Variants in GRK5 observed in about 807,000 individuals in gnomAD.
GRK5 encodes the protein g protein-coupled receptor kinase GRK5.
Under a neutral mutation model 78.4 loss-of-function variants are expected in GRK5, and 40 were observed. That is an observed-to-expected ratio of 0.51 (90% confidence interval 0.40 to 0.66). GRK5 has a LOEUF of 0.66. Ranked by LOEUF, GRK5 falls within the 30% of genes least tolerant of loss-of-function variation. The probability of loss-of-function intolerance (pLI) is 0.00; values close to 1 mark genes in which losing one functional copy is unlikely to be tolerated. For synonymous variants in GRK5, 289 were observed against 296.8 expected, an observed-to-expected ratio of 0.97 and a Z score of 0.27; for missense variants, 598 against 759.9, an observed-to-expected ratio of 0.79 and a Z score of 2.50.
chr10:119,369,760 C>T (rs1157310933), intron 2 of GRK5, among the ~76,000 whole-genome samples: 2 of 152,150 alleles, frequency 1.3e-5, no homozygotes, highest in Non-Finnish European at 2.9e-5. Flanking sequence ...GTCAGCCTGC[C>T]GGGCTTCCGG....
intron 2 of GRK5, among the ~76,000 whole-genome samples, chr10:119,372,680 T>C (rs1413582): frequency 0.48 from 73,278 of 152,074 alleles, 18,989 homozygotes; most frequent in Non-Finnish European, 0.57. Context: ...TTCTACAGTT[T>C]TGATTTCATT....
rs1032704681 is a variant in GRK5 at position 119,284,434 on chromosome 10, G to A, written c.53-42082G>A. 6.6e-5 allele frequency among the ~76,000 whole-genome samples: 10 copies of A among 152,036 alleles called. No individual in the cohort carries two copies. The East Asian group carries it at 9.6e-4, about 15-fold the overall frequency. The stretch of plus-strand genomic sequence containing the variant: ...ATTACAAATGTGAGCCACTGAGCCC[G>A]GCTATTTAATCCGATATGTACAAAT... On this transcript the variant is annotated intron_variant, in intron 1 of 15. Transcript: ENST00000392870.
intron 1 of GRK5, among the ~76,000 whole-genome samples, chr10:119,285,862 A>T (rs1849839968): frequency 6.6e-6 from 1 of 152,186 alleles, no homozygotes; most frequent in South Asian, 2.1e-4. Flanking sequence ...ATCAAGGTCA[A>T]GTCCTCACCT....
chr10:119,327,421 G>A (rs1027724712), intron 2 of GRK5, among the ~76,000 whole-genome samples: 5 of 152,168 alleles, frequency 3.3e-5, no homozygotes, highest in Non-Finnish European at 7.4e-5. Flanking sequence ...ACTGCCTGAG[G>A]GCTCCCCATC....
chr10:119,350,727 A>G (rs1851174265), intron 2 of GRK5, among the ~76,000 whole-genome samples: 1 of 152,228 alleles, frequency 6.6e-6, no homozygotes, highest in South Asian at 2.1e-4. Context: ...ATCAAATCCC[A>G]TTACAGCAAA....
rs1305257522 is a variant in GRK5 at position 119,412,348 on chromosome 10, G to T, written c.340-10818G>T. On this transcript the variant is annotated intron_variant, in intron 4 of 15. Coordinates refer to ENST00000392870, the MANE Select transcript of GRK5 (RefSeq NM_005308.3). This position sits in a 1 kb window ranked among gnomAD's most constrained non-coding sequence, Gnocchi z 4.3. ...CGGTGCCCGGGCCGTGCAGTCCATC[G>T]CCTGGGCTGACCACGAGGACACCCC... Among the ~76,000 whole-genome samples, 1 of 152,198 alleles carries T rather than the reference G, an allele frequency of 6.6e-6. No individual in the cohort carries two copies. Among genetic ancestry groups the T allele is most frequent in the African/African-American group, 2.4e-5 (1 of 41,456 alleles).
At chr10:119,286,771 G>A (rs1308783397) in intron 1 of GRK5, among the ~76,000 whole-genome samples, 1 of 152,258 alleles carries the variant, frequency 6.6e-6, no homozygotes, top group African/African-American at 2.4e-5. Context: ...GGAGGCAGAG[G>A]TTTTGGTGGA....
In GRK5 at chr10:119,455,470, G is replaced by A. The variant is rs1357964118; in HGVS notation, c.*403G>A. On this transcript the variant is annotated 3_prime_UTR_variant, in exon 16 of 16. Coordinates refer to ENST00000392870, the MANE Select transcript of GRK5 (RefSeq NM_005308.3). ...ATTTAAATGAAAGTGAGACTTTGAG[G>A]GTGTATATTTTCTGTGCAGCCACTG... 2.7e-6 allele frequency: 1 copy of A among 366,626 alleles called. No individual in the cohort carries two copies. The highest frequency in any genetic ancestry group is 4.2e-5 in the Admixed American group (1 of 23,764). 22.7% of individuals were successfully genotyped at this position (366,626 alleles called of 1,614,324 possible).
At chr10:119,444,780 C>T (rs1301910255) in intron 12 of GRK5, among the ~76,000 whole-genome samples, 11 of 152,230 alleles carry the variant, frequency 7.2e-5, no homozygotes, top group Admixed American at 3.3e-4. Context: ...GGGAGCCACA[C>T]TTCCCACCCC....
chr10:119,338,231 T>G (rs1245786443), intron 2 of GRK5, among the ~76,000 whole-genome samples: 1 of 152,220 alleles, frequency 6.6e-6, no homozygotes, highest in African/African-American at 2.4e-5. Flanking sequence ...AGTCCCAGGC[T>G]GCTCACTTCC....
intron 1 of GRK5, 124 bp downstream of exon 1, chr10:119,208,093 C>A: frequency 2.4e-6 from 2 of 847,916 alleles, no homozygotes; most frequent in Admixed American, 3.2e-5. Context: ...GGGTCGCGAG[C>A]AGGACACTTC....
At position 119,395,054 on chromosome 10, in the gene GRK5, G is replaced by A. The variant is rs932687375; in HGVS notation, c.262-1641G>A. ...TCTGGGGAGAGGCTCTGCCCACGCG[G>A]CGCAGTGGGAATCCAGAGGCCAGCG... On this transcript the variant is annotated intron_variant, in intron 3 of 15. Transcript: ENST00000392870. Among the ~76,000 whole-genome samples, 4 of 151,418 alleles carry A rather than the reference G, an allele frequency of 2.6e-5. No individual in the cohort carries two copies. The Admixed American group carries it at 2.7e-4, about 10-fold the overall frequency.
intron 3 of GRK5, among the ~76,000 whole-genome samples, chr10:119,393,313 C>T (rs945803907): frequency 6.6e-6 from 1 of 152,202 alleles, no homozygotes; most frequent in Non-Finnish European, 1.5e-5. Flanking sequence ...TGTGGACCTG[C>T]GTGCCCATCC....
intron 6 of GRK5, among the ~76,000 whole-genome samples, chr10:119,426,818 C>T (rs989211255): frequency 6.6e-6 from 1 of 152,052 alleles, no homozygotes; most frequent in African/African-American, 2.4e-5. Flanking sequence ...TCACCACCAT[C>T]ATCAGCATCA....
chr10:119,451,324 G>C (rs1853280556), intron 13 of GRK5, among the ~76,000 whole-genome samples: 1 of 152,014 alleles, frequency 6.6e-6, no homozygotes, highest in South Asian at 2.1e-4. Flanking sequence ...GGGTTTGGGT[G>C]TGCCAGGTAA....
intron 12 of GRK5, 99 bp downstream of exon 12, chr10:119,443,851 C>A (rs1589813949): frequency 9.4e-7 from 1 of 1,060,350 alleles, no homozygotes; most frequent in Non-Finnish European, 1.4e-6. Flanking sequence ...GCTGAAGGGA[C>A]AGGGGTCTGA....
intron 1 of GRK5, among the ~76,000 whole-genome samples, chr10:119,227,858 T>G (rs1217416768): frequency 2.6e-5 from 4 of 152,172 alleles, no homozygotes. Flanking sequence ...CTGACTAGAG[T>G]GTAAATTGGT....
intron 2 of GRK5, among the ~76,000 whole-genome samples, chr10:119,380,172 AT>A (rs917864773): frequency 6.6e-6 from 1 of 152,234 alleles, no homozygotes; most frequent in Non-Finnish European, 1.5e-5. Context: ...AACAAGGAGA[AT>A]GTGTTGTCTC....
At chr10:119,454,571 T>C (rs1730317914) in intron 15 of GRK5, among the ~76,000 whole-genome samples, 1 of 152,138 alleles carries the variant, frequency 6.6e-6, no homozygotes, top group Non-Finnish European at 1.5e-5. Context: ...TGAGGCCCCA[T>C]TGTATCCTCC....
Sources: gnomAD v4.1 joint callset for allele counts (sites outside exome capture counted in the v4.1 genomes callset) on GRCh38, gnomAD v4.1.1 for gene constraint, Gnocchi (gnomAD v3.1) non-coding constraint, MANE v1.5 for transcripts, NCBI Gene and HGNC (gene_info 2026-07-23, HGNC 2026-07-21) for gene names.